Variants in COL11A2 observed in about 807,000 individuals in gnomAD.
COL11A2 encodes collagen type XI alpha 2 chain.
COL11A2 carries 116 observed loss-of-function variants against 273.4 expected under a neutral mutation model. The observed-to-expected ratio is 0.42, with a 90% confidence interval of 0.36 to 0.49. COL11A2 has a LOEUF of 0.49. Among genes scored for constraint, COL11A2 ranks in the 20% least tolerant of loss-of-function variants. The pLI is 0.00. For synonymous variants in COL11A2, 782 were observed against 864.2 expected (o/e 0.90, Z 1.67); for missense variants, 1,866 against 2,309.0 (o/e 0.81, Z 3.93).
rs765975088 is a variant in COL11A2, at chr6:33,180,298, T to C, written c.1319A>G (p.Asp440Gly). 1 of 1,612,770 alleles carries C rather than the reference T, an allele frequency of 6.2e-7. No homozygotes were observed. The highest frequency in any genetic ancestry group is 8.5e-7 in the Non-Finnish European group (1 of 1,180,014). Residue 440 changes from aspartate to glycine, a missense_variant, in exon 12 of 66, where the codon GAT becomes GGT. Asp to Gly is a moderately conservative substitution (Grantham distance 94). Coordinates refer to ENST00000341947, the MANE Select transcript of COL11A2 (RefSeq NM_080680.3). ...TGTGCCAGGAGGACCAGGAGCCCCA[T>C]CTGATCCAGGGAGCCCTGCTCGGCC... Reference protein sequence around the residue: ...PPGRAGLPGSDGAPGPPGTSL... With the variant: ...PPGRAGLPGSGGAPGPPGTSL...
chr6:33,188,709 T>G (rs922076043), intron 3 of COL11A2, among the ~76,000 whole-genome samples, 185 bp from the exon 4 acceptor site: 5 of 152,230 alleles, frequency 3.3e-5, no homozygotes, highest in Non-Finnish European at 7.4e-5. Flanking sequence ...TTTGTGCCAA[T>G]TCTATTTAAT....
In COL11A2 at chr6:33,169,531, T is replaced by C; in HGVS notation, c.3691-41A>G. The C allele has an allele frequency of 6.3e-7, 1 of 1,589,584 alleles. No homozygotes were observed. Among genetic ancestry groups the C allele is most frequent in the Non-Finnish European group, 8.6e-7 (1 of 1,159,880 alleles). On this transcript the variant is annotated intron_variant, in intron 50 of 65. Coordinates refer to ENST00000341947, the MANE Select transcript of COL11A2 (RefSeq NM_080680.3). This position sits in a 1 kb window ranked among gnomAD's most constrained non-coding sequence, Gnocchi z 5.5. Reference sequence around the variant, plus strand: ...AGGACACAGATGGCCCAGGGAATCTTGAAGATCAGGGATGCAGCCTCTGCT... The same window carrying C: ...AGGACACAGATGGCCCAGGGAATCTCGAAGATCAGGGATGCAGCCTCTGCT...
Position 33,170,016 on chromosome 6 carries a change from T to C in COL11A2, c.3636+31A>G. ...ATCCAACTCCCATCCCCCACTTCCA[T>C]GACTGGTCCACTCACCCCCTTCCCA... On this transcript the variant is annotated intron_variant, in intron 49 of 65. Coordinates refer to ENST00000341947, the MANE Select transcript of COL11A2 (RefSeq NM_080680.3). This position sits in a 1 kb window ranked among gnomAD's most constrained non-coding sequence, Gnocchi z 4.3. The C allele has an allele frequency of 6.2e-7, 1 of 1,613,238 alleles. No homozygotes were observed. Among genetic ancestry groups the C allele is most frequent in the Non-Finnish European group, 8.5e-7 (1 of 1,179,878 alleles).
In COL11A2 at chr6:33,192,404, A is replaced by C; in HGVS notation, c.-164T>G. On this transcript the variant is annotated 5_prime_UTR_variant, in exon 1 of 66. An upstream start codon of the reference 5' UTR is lost. Coordinates refer to ENST00000341947, the MANE Select transcript of COL11A2 (RefSeq NM_080680.3). ...CGACAGCTGTCAGCGGCCCAGCTCC[A>C]TGCAGCAAGGCGCCGTCGGGGCTCC... 1 of 703,422 alleles carries C rather than the reference A, an allele frequency of 1.4e-6. No individual in the cohort carries two copies. The allele number at this position is 703,422 out of a possible 1,614,324, so 43.6% of individuals were successfully genotyped here. A position where few individuals can be genotyped will look rare whatever the true frequency, so the allele number is the denominator to read the frequency against.
In COL11A2 at chr6:33,170,480, G is replaced by A; in HGVS notation, c.3528+77C>T. On this transcript the variant is annotated intron_variant, in intron 47 of 65. Transcript: ENST00000341947. The surrounding 1 kb of genome is among the most constrained non-coding windows in gnomAD (Gnocchi z 4.3). Reference sequence around the variant, plus strand: ...GAGCAGCCAGGCCAGGGAGTTGGCAGTGGGGTGTGGGGTGGGGGCTGGCCA... The same window carrying A: ...GAGCAGCCAGGCCAGGGAGTTGGCAATGGGGTGTGGGGTGGGGGCTGGCCA... 6.4e-7 allele frequency: 1 copy of A among 1,568,636 alleles called. No individual in the cohort carries two copies. Among genetic ancestry groups the A allele is most frequent in the Non-Finnish European group, 8.7e-7 (1 of 1,145,572 alleles).
intron 8 of COL11A2, among the ~76,000 whole-genome samples, chr6:33,181,498 G>A (rs193100511): frequency 1.3e-5 from 2 of 151,706 alleles, no homozygotes; most frequent in Non-Finnish European, 2.9e-5. Flanking sequence ...TTTTTGAGAC[G>A]AAGTCTTGCT....
Position 33,189,230 on chromosome 6 carries a change from G to C in COL11A2, c.233-42C>G, listed in dbSNP as rs1562390039. 3.7e-6 allele frequency: 6 copies of C among 1,612,474 alleles called. No individual in the cohort carries two copies. The South Asian group carries it at 4.4e-5, about 12-fold the overall frequency. On this transcript the variant is annotated intron_variant, in intron 2 of 65. Transcript: ENST00000341947. This position sits in a 1 kb window ranked among gnomAD's most constrained non-coding sequence, Gnocchi z 5.6. ...ATACACACAGAGTGAGAGGCAAAGG[G>C]AGCCGCCACAACCCCTTTCCTCCTG...
At chr6:33,185,087 CG>C in intron 6 of COL11A2, 33 bp from the exon 7 acceptor site, 1 of 1,502,504 alleles carries the variant, frequency 6.7e-7, no homozygotes, top group Non-Finnish European at 9.1e-7. Context: ...AAGAGTAGCA[CG>C]GGGTGGGAAG....
In COL11A2 at chr6:33,167,501, C is replaced by G. The variant is rs756180267; in HGVS notation, c.4047G>C (p.Lys1349Asn). ...GDPGAIGAPG[K>N]TGPVGPAGPA... ...GGCCTGCAGGACCCACCGGGCCTGT[C>G]TTCCCCGGGGCACCTATAGCGCCAG... is the stretch of plus-strand genomic sequence containing the variant. The change falls in exon 56 of 66, where the codon AAG (lysine) becomes AAC (asparagine). Residue 1349 changes from lysine to asparagine, a missense_variant. Coordinates refer to ENST00000341947, the MANE Select transcript of COL11A2 (RefSeq NM_080680.3). This position sits in a 1 kb window ranked among gnomAD's most constrained non-coding sequence, Gnocchi z 6.1. 5 of 1,612,748 alleles carry G rather than the reference C, an allele frequency of 3.1e-6. No individual in the cohort carries two copies. The highest frequency in any genetic ancestry group is 4.2e-6 in the Non-Finnish European group (5 of 1,180,032).
chr6:33,191,613 C>T (rs1773114824), intron 1 of COL11A2, among the ~76,000 whole-genome samples: 1 of 152,242 alleles, frequency 6.6e-6, no homozygotes, highest in African/African-American at 2.4e-5. Flanking sequence ...CCCAGTGCTC[C>T]CCAGAGCCAG....
Position 33,169,949 on chromosome 6 carries a change from A to G in COL11A2, c.3637-65T>C. The G allele has an allele frequency of 1.9e-6, 3 of 1,612,808 alleles. No homozygotes were observed. The South Asian group carries it at 3.3e-5, about 18-fold the overall frequency. On this transcript the variant is annotated intron_variant, in intron 49 of 65. Transcript: ENST00000341947. This position sits in a 1 kb window ranked among gnomAD's most constrained non-coding sequence, Gnocchi z 5.5. ...CAGCCAAAAAATTCTGATATTCCCC[A>G]CATCTCATTCTCTTTTGTCTCCCCA...
At position 33,178,631 on chromosome 6, in the gene COL11A2, A is replaced by G. The variant is rs1210579161; in HGVS notation, c.1719+48T>C. On this transcript the variant is annotated intron_variant, in intron 18 of 65. Transcript: ENST00000341947. The surrounding 1 kb of genome is among the most constrained non-coding windows in gnomAD (Gnocchi z 4.6). ...CCCTTCCCTACCTATCCTCACTCCC[A>G]TAGAAGATCTATCCCCAATTACAAC... The G allele has an allele frequency of 6.2e-7, 1 of 1,609,866 alleles. No individual in the cohort carries two copies. Among genetic ancestry groups the G allele is most frequent in the African/African-American group, 1.3e-5 (1 of 74,828 alleles).
At chr6:33,171,985 T>A (rs1770150697) in intron 41 of COL11A2, 65 bp downstream of exon 41, 1 of 1,591,862 alleles carries the variant, frequency 6.3e-7, no homozygotes. Flanking sequence ...AGAATGCCAC[T>A]CCCACCCTTC....
Position 33,185,034 on chromosome 6 carries a change from C to T in COL11A2, c.897G>A (p.Glu299=). ...AGAGGCTCGACTCCAGGATTTCTTC[C>T]TCTTCACCTGGGGTGGGGTCCTGAC... ...PDYQDPTPGE[E]EEILESSLLP... The change falls in exon 7 of 66, where the codon GAG becomes GAA. Residue 299 remains glutamate (E), a synonymous_variant. Coordinates refer to ENST00000341947, the MANE Select transcript of COL11A2 (RefSeq NM_080680.3). 1 of 1,551,382 alleles carries T rather than the reference C, an allele frequency of 6.4e-7. No individual in the cohort carries two copies.
In COL11A2 at chr6:33,170,985, A is replaced by T; in HGVS notation, c.3367-68T>A. On this transcript the variant is annotated intron_variant, in intron 45 of 65. Transcript: ENST00000341947. This position sits in a 1 kb window ranked among gnomAD's most constrained non-coding sequence, Gnocchi z 4.3. ...GTCATGGGTCAGGTGTTCTCTATCC[A>T]CAAATACCACACACAGCTGGGTGCC... is the stretch of plus-strand genomic sequence containing the variant. The T allele has an allele frequency of 6.3e-7, 1 of 1,586,236 alleles. No homozygotes were observed.
rs1773236633 is a variant in COL11A2, at chr6:33,192,340, A to G, written c.-100T>C. On this transcript the variant is annotated 5_prime_UTR_variant, in exon 1 of 66. Coordinates refer to ENST00000341947, the MANE Select transcript of COL11A2 (RefSeq NM_080680.3). ...AGACAGGGAGCAGACTATGAGCCTC[A>G]GACGCCGGGGTCCCAGGGAGGTCAG... is the stretch of plus-strand genomic sequence containing the variant. The G allele has an allele frequency of 8.4e-6, 10 of 1,192,940 alleles. No homozygotes were observed. In the South Asian group the frequency reaches 1.0e-4, roughly 12 times the overall value. The allele number at this position is 1,192,940 out of a possible 1,614,324, so 73.9% of individuals were successfully genotyped here.
At chr6:33,181,214 G>A in intron 8 of COL11A2, 44 bp from the exon 9 acceptor site, 1 of 1,597,372 alleles carries the variant, frequency 6.3e-7, no homozygotes. Flanking sequence ...CCCGTGAGCA[G>A]CCAGGACACT....
In COL11A2 at chr6:33,178,328, G is replaced by C. The variant is rs757215211; in HGVS notation, c.1798C>G (p.Arg600Gly). The change falls in exon 20 of 66, where the codon CGA becomes GGA. Residue 600 changes from arginine to glycine, a missense_variant. Coordinates refer to ENST00000341947, the MANE Select transcript of COL11A2 (RefSeq NM_080680.3). The surrounding 1 kb of genome is among the most constrained non-coding windows in gnomAD (Gnocchi z 4.6). ...CTCACCGACTCTCCAGGCAGCCCTC[G>C]AGGCCCAATCTCCCCGTCATCTCCC... ...ERGDDGEIGPRGLPGESGPRG... is the reference protein window; with the variant it reads ...ERGDDGEIGPGGLPGESGPRG... The C allele has an allele frequency of 1.2e-6, 2 of 1,612,380 alleles. No individual in the cohort carries two copies. The highest frequency in any genetic ancestry group is 2.7e-5 in the African/African-American group (2 of 74,656).
rs560561513 is a variant in COL11A2 at position 33,191,849 on chromosome 6, C to T, written c.82+310G>A. Among the ~76,000 whole-genome samples the T allele has an allele frequency of 3.3e-5, 5 of 152,316 alleles. No homozygotes were observed. The East Asian group carries it at 5.8e-4, about 18-fold the overall frequency. ...ATCCCCACACCAGCAATGACTGGAC[C>T]GGGCTGGCCCTGGCCATCTTCAGCT... On this transcript the variant is annotated intron_variant, in intron 1 of 65. Transcript: ENST00000341947.
Sources: allele counts gnomAD v4.1 joint callset (sites outside exome capture counted in the v4.1 genomes callset), GRCh38; gene constraint gnomAD v4.1.1; non-coding constraint Gnocchi (gnomAD v3.1); transcripts MANE v1.5; gene names NCBI Gene and HGNC (gene_info 2026-07-23, HGNC 2026-07-21).